The following GNL2 variants were observed in gnomAD, a reference collection of about 807,000 sequenced individuals.
GNL2 encodes the protein nucleolar GTP-binding protein 2.
A neutral mutation model predicts 92.3 loss-of-function variants in GNL2; 51 were observed. The ratio of observed to expected loss-of-function variants is 0.55; its 90% CI spans 0.44 to 0.70. GNL2 has a LOEUF of 0.70. Ranked by LOEUF, GNL2 falls within the 30% of genes least tolerant of loss-of-function variation. GNL2 has a pLI of 0.00. For synonymous variants in GNL2, 283 were observed against 300.6 expected (o/e 0.94, Z 0.61); for missense variants, 844 against 895.6 (o/e 0.94, Z 0.74).
rs138656008 is a variant in GNL2 at position 37,567,741 on chromosome 1, G to A, written c.1975C>T (p.Arg659Trp). 8 of 1,613,254 alleles carry A rather than the reference G, an allele frequency of 5.0e-6. No individual in the cohort carries two copies. The highest frequency in any genetic ancestry group is 2.2e-5 in the East Asian group (1 of 44,880). Residue 659 changes from arginine (R) to tryptophan (W), a missense_variant, in exon 15 of 16, where the codon CGG becomes TGG. Transcript: ENST00000373062. ...TGTTCCTCTTCCCTTTGTGCCTTCC[G>A]CTTCTTTCCCTTTTTGGAAGGTGCT... ...DRAPSKKGKK[R>W]KAQREEEQEH...
At chr1:37,584,461 T>TAAAAAAAAAAAAAAAA (rs377282004) in intron 5 of GNL2, among the ~76,000 whole-genome samples, 1 of 115,256 alleles carries the variant, frequency 8.7e-6, no homozygotes. Context: ...AATAATTAAT[T>TAAAAAAAAAAAAAAAA]AAAAAAAAAA....
intron 8 of GNL2, among the ~76,000 whole-genome samples, chr1:37,578,951 G>A (rs1044805432): frequency 1.3e-5 from 2 of 151,930 alleles, no homozygotes; most frequent in African/African-American, 4.8e-5. Flanking sequence ...AGCCATGATC[G>A]CACCACTGCA....
At chr1:37,589,056 A>G (rs1643872077) in intron 4 of GNL2, among the ~76,000 whole-genome samples, 1 of 152,252 alleles carries the variant, frequency 6.6e-6, no homozygotes, top group African/African-American at 2.4e-5. Flanking sequence ...TCTCATAAAC[A>G]GGATTCAATA....
intron 5 of GNL2, 36 bp downstream of exon 5, chr1:37,587,275 A>G: frequency 6.6e-7 from 1 of 1,504,920 alleles, no homozygotes; most frequent in Non-Finnish European, 9.0e-7. Flanking sequence ...TCAAAAAAAA[A>G]AAAACAAAAA....
chr1:37,594,224 G>A, intron 1 of GNL2: 1 of 166,914 alleles, frequency 6.0e-6, no homozygotes, highest in South Asian at 1.6e-4. Context: ...CCTTGCCCAA[G>A]GTCAAACCGT....
chr1:37,583,916 T>C lies in GNL2; in HGVS notation c.587A>G (p.Glu196Gly), dbSNP rs1223141656. ...TTTGGACTGTCCCTTTTTATAGATCTCTTCTTGAGCTTCATTTCTAAATAA... is the reference window on the plus strand; with the variant it reads ...TTTGGACTGTCCCTTTTTATAGATCCCTTCTTGAGCTTCATTTCTAAATAA... ...DTGVRNEAQEEIYKKGQSKRI... is the reference protein window; with the variant it reads ...DTGVRNEAQEGIYKKGQSKRI... The change falls in exon 6 of 16, where the codon GAG becomes GGG. Residue 196 changes from glutamate to glycine, a missense_variant. Coordinates refer to ENST00000373062, the MANE Select transcript of GNL2 (RefSeq NM_013285.3). The C allele has an allele frequency of 6.3e-7, 1 of 1,578,650 alleles. No individual in the cohort carries two copies. The highest frequency in any genetic ancestry group is 1.7e-5 in the Admixed American group (1 of 59,974).
Position 37,575,962 on chromosome 1 carries a change from C to G in GNL2, c.1039-263G>C, listed in dbSNP as rs2148132315. ...TCCATCTCGTATTGTGCAATTATAC[C>G]CGGTGAACCTTTCCTGAGTTTTAGA... On this transcript the variant is annotated intron_variant, in intron 9 of 15. Coordinates refer to ENST00000373062, the MANE Select transcript of GNL2 (RefSeq NM_013285.3). The surrounding 1 kb of genome is among the most constrained non-coding windows in gnomAD (Gnocchi z 4.1). Among the ~76,000 whole-genome samples, 1 of 152,280 alleles carries G rather than the reference C, an allele frequency of 6.6e-6. No individual in the cohort carries two copies. The highest frequency in any genetic ancestry group is 1.9e-4 in the East Asian group (1 of 5,188).
At chr1:37,580,594 G>C (rs1325286247) in intron 8 of GNL2, among the ~76,000 whole-genome samples, 1 of 152,208 alleles carries the variant, frequency 6.6e-6, no homozygotes, top group African/African-American at 2.4e-5. Context: ...CAGGAAAACA[G>C]CCATGGGAAT....
In GNL2 at chr1:37,576,476, C is replaced by T; in HGVS notation, c.990G>A (p.Leu330=). 2 of 1,614,040 alleles carry T rather than the reference C, an allele frequency of 1.2e-6. No individual in the cohort carries two copies. The highest frequency in any genetic ancestry group is 1.7e-6 in the Non-Finnish European group (2 of 1,179,884). ...NVGKSSVINT[L]RSKKVCNVAP... ...CCACGTTGCAAACTTTCTTAGAACG[C>T]AATGTATTTATCACAGAGCTCTTGC... The change falls in exon 9 of 16, where the codon TTG becomes TTA. Residue 330 remains leucine (L), a synonymous_variant. Coordinates refer to ENST00000373062, the MANE Select transcript of GNL2 (RefSeq NM_013285.3).
At position 37,574,755 on chromosome 1, in the gene GNL2, T is replaced by C. The variant is rs769876412; in HGVS notation, c.1212A>G (p.Glu404=). 1 of 1,613,920 alleles carries C rather than the reference T, an allele frequency of 6.2e-7. No homozygotes were observed. The change falls in exon 11 of 16, where the codon GAA becomes GAG. Residue 404 remains glutamate, a synonymous_variant. Transcript: ENST00000373062. ...CAATCTTGTATGTTTTGCTGATATA[T>C]TCTGGCTTTGCTCGTTCAAGTACAG... The part of the protein sequence containing the change: ...IGAVLERAKP[E]YISKTYKIDS...
intron 14 of GNL2, chr1:37,568,001 A>AC: frequency 1.7e-6 from 1 of 589,406 alleles, no homozygotes; most frequent in Non-Finnish European, 3.0e-6. Context: ...CAGGAAACAC[A>AC]CCCCCCTCTT....
At chr1:37,592,181 C>G (rs1186616456) in intron 3 of GNL2, among the ~76,000 whole-genome samples, 1 of 152,154 alleles carries the variant, frequency 6.6e-6, no homozygotes, top group African/African-American at 2.4e-5. Flanking sequence ...AAGTTAAGAG[C>G]CCAGACTGAA....
In GNL2 at chr1:37,569,113, T is replaced by C. The variant is rs184054845; in HGVS notation, c.1606A>G (p.Ile536Val). Residue 536 changes from isoleucine to valine, a missense_variant, in exon 13 of 16, where the codon ATC becomes GTC. Coordinates refer to ENST00000373062, the MANE Select transcript of GNL2 (RefSeq NM_013285.3). The stretch of plus-strand genomic sequence containing the variant: ...CCAGAAAACTGAGGCACCACGTTGA[T>C]TTTACCAAAGTTCTGCCGAACTCGT... ...LTRVRQNFGK[I>V]NVVPQFSGDD... 2.4e-5 allele frequency: 39 copies of C among 1,614,192 alleles called. No homozygotes were observed. In the Admixed American group the frequency reaches 5.8e-4, roughly 24 times the overall value.
At position 37,587,350 on chromosome 1, in the gene GNL2, C is replaced by T. The variant is rs1279997784; in HGVS notation, c.530G>A (p.Gly177Asp). 1 of 1,611,798 alleles carries T rather than the reference C, an allele frequency of 6.2e-7. No individual in the cohort carries two copies. The highest frequency in any genetic ancestry group is 8.5e-7 in the Non-Finnish European group (1 of 1,178,816). The change falls in exon 5 of 16, where the codon GGC (glycine) becomes GAC (aspartate). Residue 177 changes from glycine (G) to aspartate (D), a missense_variant. Gly to Asp is a moderately conservative substitution (Grantham distance 94). Transcript: ENST00000373062. ...AEMSTESYDQ[G>D]KDRDLVTEDT... is the part of the protein sequence containing the mutation. ...TTCAGTTACCAAATCACGATCCTTG[C>T]CCTGGTCATAGCTCTCAGTGGACAT...
intron 8 of GNL2, among the ~76,000 whole-genome samples, chr1:37,578,514 G>C (rs1041143476): frequency 6.7e-6 from 1 of 150,080 alleles, no homozygotes; most frequent in African/African-American, 2.4e-5. Flanking sequence ...AGTCAACAAG[G>C]CCACTCCATG....
At chr1:37,581,953 G>A (rs942668130) in intron 8 of GNL2, among the ~76,000 whole-genome samples, 1 of 151,632 alleles carries the variant, frequency 6.6e-6, no homozygotes, top group Non-Finnish European at 1.5e-5. Context: ...GTGAGCCACC[G>A]CGCCCGGCCA....
chr1:37,567,705 T>A lies in GNL2; in HGVS notation c.2011A>T (p.Asn671Tyr). Residue 671 changes from asparagine (N) to tyrosine (Y), a missense_variant, in exon 15 of 16, where the codon AAT becomes TAT. By Grantham distance (143) the Asn-to-Tyr change is moderately radical. Coordinates refer to ENST00000373062, the MANE Select transcript of GNL2 (RefSeq NM_013285.3). ...GATGTAAGCGCCCTGGGAGCTTTAT[T>A]TGAATGTTCCTGTTCCTCTTCCCTT... ...AQREEEQEHS[N>Y]KAPRALTSKE... The A allele has an allele frequency of 6.2e-7, 1 of 1,613,896 alleles. No individual in the cohort carries two copies. The highest frequency in any genetic ancestry group is 8.5e-7 in the Non-Finnish European group (1 of 1,179,754).
intron 12 of GNL2, 129 bp downstream of exon 12, chr1:37,574,214 A>T (rs1378409375): frequency 1.3e-5 from 6 of 473,264 alleles, no homozygotes; most frequent in South Asian, 5.6e-5. Context: ...TTATATATTT[A>T]AAAAAATAAT....
Position 37,582,350 on chromosome 1 carries a change from T to A in GNL2, c.796-14A>T. On this transcript the variant is annotated splice_polypyrimidine_tract_variant and intron_variant, in intron 7 of 15. Coordinates refer to ENST00000373062, the MANE Select transcript of GNL2 (RefSeq NM_013285.3). ...AACCCACCGTTTCTAGAAGGAGAGA[T>A]GAAAACATTTTGGTAAACTGCAGTA... The A allele has an allele frequency of 1.9e-6, 3 of 1,554,160 alleles. No homozygotes were observed. Among genetic ancestry groups the A allele is most frequent in the Non-Finnish European group, 2.6e-6 (3 of 1,133,468 alleles).
Sources: allele counts gnomAD v4.1 joint callset (sites outside exome capture counted in the v4.1 genomes callset), GRCh38; gene constraint gnomAD v4.1.1; non-coding constraint Gnocchi (gnomAD v3.1); transcripts MANE v1.5; gene names NCBI Gene and HGNC (gene_info 2026-07-23, HGNC 2026-07-21).